The following ABTB3 variants were observed in gnomAD, a reference collection of about 807,000 sequenced individuals.
The protein encoded by ABTB3 is ankyrin repeat- and BTB/POZ domain-containing protein 3.
chr12:107,360,519 C>T, the ABTB3 span, among the ~76,000 whole-genome samples: 1 of 152,196 alleles, frequency 6.6e-6, no homozygotes, highest in Non-Finnish European at 1.5e-5. Context: ...ACCACCTCCC[C>T]TCCCCAGCCA....
chr12:107,334,389 G>A, the ABTB3 span, among the ~76,000 whole-genome samples: 39 of 152,270 alleles, frequency 2.6e-4, no homozygotes, highest in Admixed American at 1.3e-3. Flanking sequence ...CTGTTGATAC[G>A]TTGGGTGTGG....
At chr12:107,336,675 G>T in the ABTB3 span, among the ~76,000 whole-genome samples, 1 of 152,164 alleles carries the variant, frequency 6.6e-6, no homozygotes, top group Non-Finnish European at 1.5e-5. Context: ...TAACCTATCA[G>T]TCTTTACAGA....
the ABTB3 span, among the ~76,000 whole-genome samples, chr12:107,329,000 T>TGGTACAAATTTTGGTAAAATTACAATTTA: frequency 6.6e-6 from 1 of 152,082 alleles, no homozygotes; most frequent in Non-Finnish European, 1.5e-5. Context: ...CAGCTGTCCA[T>TGGTACAAATTTTGGTAAAATTACAATTTA]CAGATCACAG....
chr12:107,640,351 A>T, the ABTB3 span: 2 of 1,599,498 alleles, frequency 1.3e-6, no homozygotes, highest in East Asian at 4.5e-5. Context: ...CTGATGTTAC[A>T]TTTCTGGTAG....
At chr12:107,452,598 C>T in the ABTB3 span, among the ~76,000 whole-genome samples, 1 of 151,956 alleles carries the variant, frequency 6.6e-6, no homozygotes, top group Non-Finnish European at 1.5e-5. Flanking sequence ...CACCTGTAAT[C>T]CCGGGCCAAG....
the ABTB3 span, among the ~76,000 whole-genome samples, chr12:107,448,944 A>C: frequency 1.3e-5 from 2 of 152,210 alleles, no homozygotes; most frequent in Non-Finnish European, 2.9e-5. Context: ...TAATGACTGA[A>C]TGAATGAATG....
chr12:107,644,544 A>G, the ABTB3 span, among the ~76,000 whole-genome samples: 1 of 152,210 alleles, frequency 6.6e-6, no homozygotes, highest in Non-Finnish European at 1.5e-5. Flanking sequence ...GTTAAAACAC[A>G]GAGAACATTT....
chr12:107,649,221 C>A, the ABTB3 span: 1 of 1,613,106 alleles, frequency 6.2e-7, no homozygotes, highest in South Asian at 1.1e-5. Context: ...TATGCAGTAT[C>A]TCTACTATGG....
the ABTB3 span, among the ~76,000 whole-genome samples, chr12:107,540,026 T>C: frequency 1.3e-5 from 2 of 152,198 alleles, no homozygotes; most frequent in African/African-American, 4.8e-5. Context: ...AGAGGCAGGC[T>C]CAGGGCTGGG....
At chr12:107,504,299 G>C in the ABTB3 span, among the ~76,000 whole-genome samples, 1 of 151,848 alleles carries the variant, frequency 6.6e-6, no homozygotes, top group Admixed American at 6.6e-5. Context: ...ATGCTTTTAC[G>C]TGCCATTAAC....
the ABTB3 span, among the ~76,000 whole-genome samples, chr12:107,657,034 C>A: frequency 1.3e-5 from 2 of 149,440 alleles, no homozygotes; most frequent in Admixed American, 1.4e-4. Context: ...CAGAGCGAAA[C>A]CCTGTCTCAA....
chr12:107,589,988 CA>C, the ABTB3 span, among the ~76,000 whole-genome samples: 1 of 152,352 alleles, frequency 6.6e-6, no homozygotes, highest in African/African-American at 2.4e-5. Context: ...TGGCTCACTG[CA>C]ACCTCCACCT....
At chr12:107,412,031 C>G in the ABTB3 span, among the ~76,000 whole-genome samples, 1 of 152,182 alleles carries the variant, frequency 6.6e-6, no homozygotes, top group Non-Finnish European at 1.5e-5. Flanking sequence ...AACCCTGACT[C>G]AACCTGAAGG....
chr12:107,363,133 C>T, the ABTB3 span, among the ~76,000 whole-genome samples: 156 of 152,338 alleles, frequency 1.0e-3, 2 homozygotes, highest in East Asian at 0.015. Context: ...TCATTGTCCC[C>T]GGGTTGAAAT....
the ABTB3 span, among the ~76,000 whole-genome samples, chr12:107,517,659 GCTCT>G: frequency 6.6e-6 from 1 of 152,074 alleles, no homozygotes; most frequent in Admixed American, 6.5e-5. Context: ...TCATGATTTG[GCTCT>G]CTGTTTGTCT....
the ABTB3 span, among the ~76,000 whole-genome samples, chr12:107,461,145 AT>A: frequency 2.0e-5 from 3 of 152,258 alleles, no homozygotes; most frequent in East Asian, 5.8e-4. Context: ...TAACCATCAG[AT>A]CTTGTGAGAC....
chr12:107,504,231 G>A, the ABTB3 span, among the ~76,000 whole-genome samples: 9,311 of 152,224 alleles, frequency 0.061, 934 homozygotes, highest in African/African-American at 0.21. Flanking sequence ...ATGGATTGTG[G>A]AAGGCCTATT....
the ABTB3 span, among the ~76,000 whole-genome samples, chr12:107,389,592 A>G: frequency 6.6e-6 from 1 of 152,136 alleles, no homozygotes; most frequent in South Asian, 2.1e-4. Flanking sequence ...TTTGGTTATT[A>G]ATTTCTGTGA....
chr12:107,524,591 C>T, the ABTB3 span, among the ~76,000 whole-genome samples: 2 of 152,162 alleles, frequency 1.3e-5, no homozygotes, highest in African/African-American at 2.4e-5. Flanking sequence ...TAAGTGTTTA[C>T]AGGAGTTACT....
Sources: allele counts gnomAD v4.1 joint callset (sites outside exome capture counted in the v4.1 genomes callset), GRCh38; gene constraint gnomAD v4.1.1; transcripts MANE v1.5; gene names NCBI Gene and HGNC (gene_info 2026-07-23, HGNC 2026-07-21).